Variants in PDE2A observed in about 807,000 individuals in gnomAD.
PDE2A encodes the protein phosphodiesterase 2A, also known as cGMP-dependent 3',5'-cyclic phosphodiesterase.
A neutral mutation model predicts 133.6 loss-of-function variants in PDE2A; 53 were observed. The ratio of observed to expected loss-of-function variants is 0.40; its 90% CI spans 0.32 to 0.50. The LOEUF is 0.50. Among genes scored for constraint, PDE2A ranks in the 20% least tolerant of loss-of-function variants. The pLI is 0.73. For missense variants in PDE2A, 796 were observed against 1,232.4 expected (o/e 0.65, Z 5.30); for synonymous variants, 491 against 490.2 (o/e 1.00, Z -0.02).
At chr11:72,610,398 A>G (rs746709263) in intron 2 of PDE2A, among the ~76,000 whole-genome samples, 2 of 152,128 alleles carry the variant, frequency 1.3e-5, no homozygotes, top group South Asian at 4.1e-4. Flanking sequence ...CTGAATGCCT[A>G]TTTGCCAGAA....
chr11:72,595,590 C>T (rs1320378273), intron 6 of PDE2A, among the ~76,000 whole-genome samples: 1 of 151,942 alleles, frequency 6.6e-6, no homozygotes, highest in Non-Finnish European at 1.5e-5. Flanking sequence ...TCAGAAAGGT[C>T]AGGCGCCTGG....
intron 2 of PDE2A, 70 bp from the exon 3 acceptor site, chr11:72,608,821 C>T (rs1857083490): frequency 2.4e-6 from 2 of 826,674 alleles, no homozygotes; most frequent in East Asian, 2.7e-5. Context: ...GCCCAAAGGA[C>T]TGTGAGCAAA....
intron 6 of PDE2A, among the ~76,000 whole-genome samples, chr11:72,591,601 G>A (rs912125014): frequency 1.3e-5 from 2 of 152,188 alleles, no homozygotes; most frequent in Non-Finnish European, 2.9e-5. Flanking sequence ...TTCAATCACT[G>A]TCTCATCAAG....
At chr11:72,667,527 T>C (rs1467448475) in intron 1 of PDE2A, among the ~76,000 whole-genome samples, 1 of 152,188 alleles carries the variant, frequency 6.6e-6, no homozygotes, top group Non-Finnish European at 1.5e-5. Context: ...CAATGGGCTA[T>C]CCTTCTCTCC....
In PDE2A at chr11:72,597,457, CCACAG is replaced by C; in HGVS notation, c.433+48_433+52del. 9.6e-7 allele frequency: 1 copy of C among 1,037,278 alleles called. No individual in the cohort carries two copies. The highest frequency in any genetic ancestry group is 1.5e-6 in the Non-Finnish European group (1 of 684,782). 64.3% of individuals were successfully genotyped at this position (1,037,278 alleles called of 1,614,324 possible). On this transcript the variant is annotated intron_variant, in intron 5 of 30. Transcript: ENST00000334456. This position sits in a 1 kb window ranked among gnomAD's most constrained non-coding sequence, Gnocchi z 4.6. ...ACACACATGACCTGGAGTGCAGGGG[CCACAG>C]TCCCTCCCTGCCCCTGCCCCTGCCC... is the stretch of plus-strand genomic sequence containing the variant.
chr11:72,581,056 G>T (rs1855703679), intron 23 of PDE2A, 83 bp from the exon 24 acceptor site: 16 of 994,810 alleles, frequency 1.6e-5, no homozygotes, highest in South Asian at 2.6e-5. Flanking sequence ...GACAGGAGAT[G>T]ACATGCCCAG....
chr11:72,673,780 C>A (rs1374984697), intron 1 of PDE2A, among the ~76,000 whole-genome samples: 5 of 151,964 alleles, frequency 3.3e-5, no homozygotes, highest in African/African-American at 1.2e-4. Context: ...ATTGCAGCCC[C>A]GAGAGCTCCT....
intron 3 of PDE2A, among the ~76,000 whole-genome samples, chr11:72,608,352 G>A (rs1025999681): frequency 1.3e-5 from 2 of 152,092 alleles, no homozygotes; most frequent in African/African-American, 2.4e-5. Flanking sequence ...GCTCCACCAC[G>A]TCCTGTTATC....
At position 72,576,389 on chromosome 11, in the gene PDE2A, A is replaced by AT. The variant is rs1241909428; in HGVS notation, c.*994dup. On this transcript the variant is annotated 3_prime_UTR_variant, in exon 31 of 31. Coordinates refer to ENST00000334456, the MANE Select transcript of PDE2A (RefSeq NM_002599.5). The stretch of plus-strand genomic sequence containing the variant: ...CTCCCAAGCCCCAGGGCACAGGTGG[A>AT]TATGGCCTTGAAGAGAGAGCCCTGC... 4 of 152,126 alleles carry AT rather than the reference A, an allele frequency of 2.6e-5. No homozygotes were observed. The highest frequency in any genetic ancestry group is 9.7e-5 in the African/African-American group (4 of 41,422). 9.4% of individuals were successfully genotyped at this position (152,126 alleles called of 1,614,324 possible).
chr11:72,636,338 G>A (rs1041348033), intron 2 of PDE2A, among the ~76,000 whole-genome samples: 1 of 152,196 alleles, frequency 6.6e-6, no homozygotes. Flanking sequence ...TACTCATTTT[G>A]GAATGTACTC....
At chr11:72,668,494 C>G in intron 1 of PDE2A, 2 of 702,538 alleles carry the variant, frequency 2.8e-6, no homozygotes, top group Non-Finnish European at 5.2e-6. Flanking sequence ...CCTGCACCCC[C>G]CAACACATAG....
chr11:72,656,996 T>C (rs1417254550), intron 1 of PDE2A, among the ~76,000 whole-genome samples: 1 of 152,202 alleles, frequency 6.6e-6, no homozygotes, highest in Admixed American at 6.5e-5. Context: ...CCACGTTCTC[T>C]GCTCCGCATC....
intron 19 of PDE2A, 21 bp downstream of exon 19, chr11:72,584,180 C>A: frequency 7.8e-7 from 1 of 1,275,640 alleles, no homozygotes; most frequent in South Asian, 1.2e-5. Flanking sequence ...CCCCACACCC[C>A]ACTCCCAACC....
rs111503344 is a variant in PDE2A at position 72,634,026 on chromosome 11, G to C, written c.144+8228C>G. On this transcript the variant is annotated intron_variant, in intron 2 of 30. Transcript: ENST00000334456. ...GGCCTCCTTATCCGAAGAATAAAAG[G>C]GTTGGACTTGGTGATCTCCCAGGGC... is the stretch of plus-strand genomic sequence containing the variant. Among the ~76,000 whole-genome samples the C allele has an allele frequency of 4.9e-3, 745 of 152,310 alleles. 6 individuals carry two copies. Among genetic ancestry groups the C allele is most frequent in the African/African-American group, 0.016 (666 of 41,558 alleles).
chr11:72,663,057 T>C (rs1173071756), intron 1 of PDE2A, among the ~76,000 whole-genome samples: 2 of 152,208 alleles, frequency 1.3e-5, no homozygotes. Flanking sequence ...AGTTGTTCTT[T>C]AAGGCTAAGA....
At position 72,632,119 on chromosome 11, in the gene PDE2A, G is replaced by A. The variant is rs572825118; in HGVS notation, c.144+10135C>T. Among the ~76,000 whole-genome samples the A allele has an allele frequency of 2.0e-3, 309 of 152,276 alleles. 2 individuals carry two copies. Among genetic ancestry groups the A allele is most frequent in the African/African-American group, 7.1e-3 (297 of 41,554 alleles). On this transcript the variant is annotated intron_variant, in intron 2 of 30. Transcript: ENST00000334456. ...TGAGGCACTCCTTCTGTGAGCTGGG[G>A]GGAGGGCACAGTCTGGCATGGAGGA...
intron 12 of PDE2A, 91 bp from the exon 13 acceptor site, chr11:72,589,005 T>G: frequency 7.1e-7 from 1 of 1,411,206 alleles, no homozygotes; most frequent in Non-Finnish European, 9.8e-7. Context: ...CAGGCAGTTC[T>G]AAGGGACTCA....
At chr11:72,637,904 CG>C (rs1302901848) in intron 2 of PDE2A, among the ~76,000 whole-genome samples, 1 of 152,022 alleles carries the variant, frequency 6.6e-6, no homozygotes. Context: ...TCAGGGAGGT[CG>C]GGGGATGGGC....
intron 4 of PDE2A, among the ~76,000 whole-genome samples, chr11:72,600,370 C>T (rs1226669733): frequency 6.6e-6 from 1 of 152,142 alleles, no homozygotes; most frequent in Non-Finnish European, 1.5e-5. Context: ...GAGATGCCCC[C>T]AAGCACTGGG....
Sources: allele counts gnomAD v4.1 joint callset (sites outside exome capture counted in the v4.1 genomes callset), GRCh38; gene constraint gnomAD v4.1.1; non-coding constraint Gnocchi (gnomAD v3.1); transcripts MANE v1.5; gene names NCBI Gene and HGNC (gene_info 2026-07-23, HGNC 2026-07-21).